PABPC3: variants seen among roughly 807,000 people sequenced by gnomAD.
The protein encoded by PABPC3 is poly(A) binding protein cytoplasmic 3.
PABPC3 carries 43 observed loss-of-function variants against 43.0 expected under a neutral mutation model. The observed-to-expected ratio is 1.00, with a 90% confidence interval of 0.78 to 1.29. The LOEUF (loss-of-function observed/expected upper bound fraction) is 1.29, where lower values mean the gene tolerates loss of function less well. Ranked by LOEUF, PABPC3 falls within the 50% of genes most tolerant of loss-of-function variation. The pLI is 0.00. For synonymous variants in PABPC3, 221 were observed against 274.6 expected (o/e 0.80, Z 1.93); for missense variants, 784 against 798.1 (o/e 0.98, Z 0.21).
Position 25,097,977 on chromosome 13 carries a change from G to A in PABPC3, c.1779G>A (p.Glu593=). 1 of 1,613,956 alleles carries A rather than the reference G, an allele frequency of 6.2e-7. No homozygotes were observed. Among genetic ancestry groups the A allele is most frequent in the South Asian group, 1.1e-5 (1 of 91,082 alleles). ...ATTCAGAACTTCTTTATATGCTCGAGTCTCCAGAGTCACTCCGTTCTAAGG... is the reference window on the plus strand; with the variant it reads ...ATTCAGAACTTCTTTATATGCTCGAATCTCCAGAGTCACTCCGTTCTAAGG... The part of the protein sequence containing the change: ...IDNSELLYML[E]SPESLRSKVD... The change falls in exon 1 of 1, where the codon GAG becomes GAA. Residue 593 remains glutamate, a synonymous_variant. Transcript: ENST00000281589.
chr13:25,096,347 G>A lies in PABPC3; in HGVS notation c.149G>A (p.Gly50Asp). 6.2e-7 allele frequency: 1 copy of A among 1,614,232 alleles called. No homozygotes were observed. Among genetic ancestry groups the A allele is most frequent in the South Asian group, 1.1e-5 (1 of 91,080 alleles). Residue 50 changes from glycine to aspartate, a missense_variant, in exon 1 of 1, where the codon GGC (glycine) becomes GAC (aspartate). Coordinates refer to ENST00000281589, the MANE Select transcript of PABPC3 (RefSeq NM_030979.3). ...ATCTGCAGGGACTTGATCACCAGCG[G>A]CTCCTCCAACTACGCGTATGTGAAC... is the stretch of plus-strand genomic sequence containing the variant. Reference protein sequence around the residue: ...IRICRDLITSGSSNYAYVNFQ... With the variant: ...IRICRDLITSDSSNYAYVNFQ...
At position 25,096,214 on chromosome 13, in the gene PABPC3, C is replaced by T; in HGVS notation, c.16C>T (p.Pro6Ser). The part of the protein sequence containing the change: MNPST[P>S]SYPTASLYVG... Reference sequence around the variant, plus strand: ...CGTGCCGAGAATGAACCCCAGCACCCCCAGCTACCCAACGGCCTCGCTCTA... The same window carrying T: ...CGTGCCGAGAATGAACCCCAGCACCTCCAGCTACCCAACGGCCTCGCTCTA... Residue 6 changes from proline (P) to serine (S), a missense_variant, in exon 1 of 1, where the codon CCC becomes TCC. Physicochemically the swap from Pro to Ser is moderately conservative, Grantham distance 74 (BLOSUM62 -1). Transcript: ENST00000281589. 3 of 1,613,204 alleles carry T rather than the reference C, an allele frequency of 1.9e-6. No individual in the cohort carries two copies. Among genetic ancestry groups the T allele is most frequent in the Non-Finnish European group, 2.5e-6 (3 of 1,179,304 alleles).
chr13:25,097,472 T>A lies in PABPC3; in HGVS notation c.1274T>A (p.Leu425Gln). ...TATCCTCCTAGCCAAATTGCTCGAC[T>A]AAGACCAAGTCCTCGCTGGACTGCT... is the stretch of plus-strand genomic sequence containing the variant. Reference protein sequence around the residue: ...AYYPPSQIARLRPSPRWTAQG... With the variant: ...AYYPPSQIARQRPSPRWTAQG... Residue 425 changes from leucine to glutamine, a missense_variant, in exon 1 of 1, where the codon CTA (leucine) becomes CAA (glutamine). Physicochemically the swap from Leu to Gln is moderately radical, Grantham distance 113 (BLOSUM62 -2). Coordinates refer to ENST00000281589, the MANE Select transcript of PABPC3 (RefSeq NM_030979.3). 6.2e-7 allele frequency: 1 copy of A among 1,614,244 alleles called. No individual in the cohort carries two copies. The highest frequency in any genetic ancestry group is 8.5e-7 in the Non-Finnish European group (1 of 1,180,050).
Position 25,097,394 on chromosome 13 carries a change from C to T in PABPC3, c.1196C>T (p.Pro399Leu), listed in dbSNP as rs1299572859. Residue 399 changes from proline to leucine, a missense_variant, in exon 1 of 1, where the codon CCT (proline) becomes CTT (leucine). Transcript: ENST00000281589. The part of the protein sequence containing the change: ...VRAVPNQRAP[P>L]SGYFMTAVPQ... ...GCTGTGCCCAACCAGCGAGCACCTC[C>T]TTCAGGTTACTTCATGACAGCTGTC... The T allele has an allele frequency of 1.9e-6, 3 of 1,614,008 alleles. No individual in the cohort carries two copies. The highest frequency in any genetic ancestry group is 1.3e-5 in the African/African-American group (1 of 74,910).
chr13:25,097,081 A>G lies in PABPC3; in HGVS notation c.883A>G (p.Asn295Asp). Residue 295 changes from asparagine (N) to aspartate (D), a missense_variant, in exon 1 of 1, where the codon AAT becomes GAT. Transcript: ENST00000281589. ...QDRITRYQVV[N>D]LYVKNLDDGI... is the part of the protein sequence containing the mutation. ...TAGGATCACCAGATACCAGGTTGTTAATCTTTATGTGAAAAATCTTGATGA... is the reference window on the plus strand; with the variant it reads ...TAGGATCACCAGATACCAGGTTGTTGATCTTTATGTGAAAAATCTTGATGA... 1 of 1,614,306 alleles carries G rather than the reference A, an allele frequency of 6.2e-7. No individual in the cohort carries two copies. The highest frequency in any genetic ancestry group is 8.5e-7 in the Non-Finnish European group (1 of 1,180,060).
At position 25,097,847 on chromosome 13, in the gene PABPC3, C is replaced by T. The variant is rs531147113; in HGVS notation, c.1649C>T (p.Pro550Leu). The change falls in exon 1 of 1, where the codon CCT becomes CTT. Residue 550 changes from proline (P) to leucine (L), a missense_variant. Coordinates refer to ENST00000281589, the MANE Select transcript of PABPC3 (RefSeq NM_030979.3). The part of the protein sequence containing the change: ...LTASRLASAP[P>L]QKQKQMLGER... ...GCCTCCAGGTTGGCATCTGCCCCTC[C>T]TCAAAAGCAAAAGCAAATGTTAGGT... 1.2e-6 allele frequency: 2 copies of T among 1,614,012 alleles called. No individual in the cohort carries two copies. The highest frequency in any genetic ancestry group is 1.7e-5 in the Admixed American group (1 of 60,016).
rs778965931 is a variant in PABPC3, at chr13:25,096,414, G to A, written c.216G>A (p.Met72Ile). 2.5e-6 allele frequency: 4 copies of A among 1,614,104 alleles called. No homozygotes were observed. Among genetic ancestry groups the A allele is most frequent in the Non-Finnish European group, 3.4e-6 (4 of 1,180,052 alleles). ...ACGCGGAGCATGCTCTGGACACCAT[G>A]AATTTTGATGTTATAAAGGGCAAGC... is the stretch of plus-strand genomic sequence containing the variant. ...TKDAEHALDT[M>I]NFDVIKGKPV... Residue 72 changes from methionine to isoleucine, a missense_variant, in exon 1 of 1, where the codon ATG (methionine) becomes ATA (isoleucine). Physicochemically the swap from Met to Ile is conservative, Grantham distance 10. Coordinates refer to ENST00000281589, the MANE Select transcript of PABPC3 (RefSeq NM_030979.3).
Position 25,096,813 on chromosome 13 carries a change from G to C in PABPC3, c.615G>C (p.Glu205Asp), listed in dbSNP as rs748734483. ...IKNFGEDMDD[E>D]RLKDLFGKFG... The stretch of plus-strand genomic sequence containing the variant: ...ATTTTGGAGAAGACATGGATGATGA[G>C]CGCCTTAAGGATCTCTTTGGCAAGT... The change falls in exon 1 of 1, where the codon GAG (glutamate) becomes GAC (aspartate). Residue 205 changes from glutamate (E) to aspartate (D), a missense_variant. Physicochemically the swap from Glu to Asp is conservative, Grantham distance 45 (BLOSUM62 2). Coordinates refer to ENST00000281589, the MANE Select transcript of PABPC3 (RefSeq NM_030979.3). 1 of 1,614,304 alleles carries C rather than the reference G, an allele frequency of 6.2e-7. No homozygotes were observed. Among genetic ancestry groups the C allele is most frequent in the Non-Finnish European group, 8.5e-7 (1 of 1,180,058 alleles).
At position 25,098,461 on chromosome 13, in the gene PABPC3, C is replaced by G. The variant is rs1467092834; in HGVS notation, c.*367C>G. ...TTTTTAATTCTTTACTGTGGAATAG[C>G]TCAAAATGTCCATTCTGTTTTAAGT... On this transcript the variant is annotated 3_prime_UTR_variant, in exon 1 of 1. Transcript: ENST00000281589. The G allele has an allele frequency of 2.0e-5, 4 of 199,518 alleles. No individual in the cohort carries two copies. Among genetic ancestry groups the G allele is most frequent in the Non-Finnish European group, 4.5e-5 (4 of 89,768 alleles). 12.4% of individuals were successfully genotyped at this position (199,518 alleles called of 1,614,324 possible).
In PABPC3 at chr13:25,098,018, C is replaced by T. The variant is rs772837681; in HGVS notation, c.1820C>T (p.Ala607Val). The change falls in exon 1 of 1, where the codon GCT becomes GTT. Residue 607 changes from alanine (A) to valine (V), a missense_variant. By Grantham distance (64) the Ala-to-Val change is moderately conservative (BLOSUM62 0). Transcript: ENST00000281589. ...SLRSKVDEAVAVLQAHQAKEA... is the reference protein window; with the variant it reads ...SLRSKVDEAVVVLQAHQAKEA... ...CGTTCTAAGGTTGATGAAGCTGTAG[C>T]TGTACTACAAGCCCACCAAGCTAAA... 1 of 1,613,968 alleles carries T rather than the reference C, an allele frequency of 6.2e-7. No individual in the cohort carries two copies. Among genetic ancestry groups the T allele is most frequent in the Non-Finnish European group, 8.5e-7 (1 of 1,179,858 alleles).
chr13:25,097,667 C>G lies in PABPC3; in HGVS notation c.1469C>G (p.Ala490Gly). The G allele has an allele frequency of 6.8e-7, 1 of 1,462,534 alleles. No individual in the cohort carries two copies. Among genetic ancestry groups the G allele is most frequent in the Non-Finnish European group, 9.1e-7 (1 of 1,094,190 alleles). 90.6% of individuals were successfully genotyped at this position (1,462,534 alleles called of 1,614,324 possible). A position where few individuals can be genotyped will look rare whatever the true frequency, so the allele number is the denominator to read the frequency against. The stretch of plus-strand genomic sequence containing the variant: ...CAGACAGTGGGTCCACGTCCTGCAG[C>G]TGCTGCTGCTGCTGCAGCTACCCCT... ...STQTVGPRPA[A>G]AAAAAATPAV... Residue 490 changes from alanine to glycine, a missense_variant, in exon 1 of 1, where the codon GCT becomes GGT. Coordinates refer to ENST00000281589, the MANE Select transcript of PABPC3 (RefSeq NM_030979.3).
At position 25,097,668 on chromosome 13, in the gene PABPC3, TGCTGCTGCTGCTGCA is replaced by T. The variant is rs537105482; in HGVS notation, c.1474_1488del (p.Ala492_Ala496del). The T allele has an allele frequency of 3.6e-5, 53 of 1,453,688 alleles. No individual in the cohort carries two copies. The East Asian group carries it at 1.4e-3, about 38-fold the overall frequency. The allele number at this position is 1,453,688 out of a possible 1,614,324, so 90.0% of individuals were successfully genotyped here. A position where few individuals can be genotyped will look rare whatever the true frequency, so the allele number is the denominator to read the frequency against. On this transcript the variant is annotated inframe_deletion, in exon 1 of 1. Transcript: ENST00000281589. ...AGACAGTGGGTCCACGTCCTGCAGCTGCTGCTGCTGCTGCAGCTACCCCTGCTGTGCGCACGGTTC... is the reference window on the plus strand; with the variant it reads ...AGACAGTGGGTCCACGTCCTGCAGCTGCTACCCCTGCTGTGCGCACGGTTC...
At position 25,097,672 on chromosome 13, in the gene PABPC3, G is replaced by GCTGCTGCTGCAGCTACCC. The variant is rs752886232; in HGVS notation, c.1481_1498dup (p.Ala494_Ala499dup). The GCTGCTGCTGCAGCTACCC allele has an allele frequency of 1.1e-4, 179 of 1,614,076 alleles. No individual in the cohort carries two copies. The highest frequency in any genetic ancestry group is 6.6e-4 in the Middle Eastern group (4 of 6,062). ...AGTGGGTCCACGTCCTGCAGCTGCT[G>GCTGCTGCTGCAGCTACCC]CTGCTGCTGCAGCTACCCCTGCTGT... On this transcript the variant is annotated inframe_insertion, in exon 1 of 1. Coordinates refer to ENST00000281589, the MANE Select transcript of PABPC3 (RefSeq NM_030979.3).
At position 25,096,421 on chromosome 13, in the gene PABPC3, G is replaced by A. The variant is rs1389696088; in HGVS notation, c.223G>A (p.Asp75Asn). The change falls in exon 1 of 1, where the codon GAT becomes AAT. Residue 75 changes from aspartate (D) to asparagine (N), a missense_variant. Transcript: ENST00000281589. ...GCATGCTCTGGACACCATGAATTTT[G>A]ATGTTATAAAGGGCAAGCCAGTACG... ...AEHALDTMNF[D>N]VIKGKPVRIM... 3 of 1,614,074 alleles carry A rather than the reference G, an allele frequency of 1.9e-6. No individual in the cohort carries two copies. In the South Asian group the frequency reaches 3.3e-5, roughly 18 times the overall value.
rs751999969 is a variant in PABPC3, at chr13:25,097,434, C to T, written c.1236C>T (p.Asn412=). ...YFMTAVPQTQ[N]HAAYYPPSQI... is the part of the protein sequence containing the mutation. ...TGACAGCTGTCCCACAGACTCAGAA[C>T]CATGCTGCATACTATCCTCCTAGCC... Residue 412 remains asparagine (N), a synonymous_variant, in exon 1 of 1, where the codon AAC becomes AAT. Transcript: ENST00000281589. 4 of 1,614,206 alleles carry T rather than the reference C, an allele frequency of 2.5e-6. No homozygotes were observed. The highest frequency in any genetic ancestry group is 2.2e-5 in the East Asian group (1 of 44,884).
At position 25,097,842 on chromosome 13, in the gene PABPC3, C is replaced by T. The variant is rs1203537960; in HGVS notation, c.1644C>T (p.Ala548=). Residue 548 remains alanine, a synonymous_variant, in exon 1 of 1, where the codon GCC becomes GCT. Coordinates refer to ENST00000281589, the MANE Select transcript of PABPC3 (RefSeq NM_030979.3). ...ETLTASRLAS[A]PPQKQKQMLG... The stretch of plus-strand genomic sequence containing the variant: ...TGACTGCCTCCAGGTTGGCATCTGC[C>T]CCTCCTCAAAAGCAAAAGCAAATGT... 2.5e-6 allele frequency: 4 copies of T among 1,613,822 alleles called. No homozygotes were observed. The highest frequency in any genetic ancestry group is 4.5e-5 in the East Asian group (2 of 44,878).
In PABPC3 at chr13:25,098,023, C is replaced by T. The variant is rs761084036; in HGVS notation, c.1825C>T (p.Leu609=). The part of the protein sequence containing the change: ...RSKVDEAVAV[L]QAHQAKEATQ... ...TAAGGTTGATGAAGCTGTAGCTGTA[C>T]TACAAGCCCACCAAGCTAAAGAGGC... is the stretch of plus-strand genomic sequence containing the variant. The change falls in exon 1 of 1, where the codon CTA becomes TTA. Residue 609 remains leucine, a synonymous_variant. Coordinates refer to ENST00000281589, the MANE Select transcript of PABPC3 (RefSeq NM_030979.3). The T allele has an allele frequency of 1.2e-5, 20 of 1,613,882 alleles. No homozygotes were observed. Among genetic ancestry groups the T allele is most frequent in the East Asian group, 4.5e-5 (2 of 44,902 alleles).
the PABPC3 span, chr13:25,097,675 GC>G: frequency 1.0e-3 from 1,650 of 1,614,072 alleles, 2 homozygotes; most frequent in Non-Finnish European, 1.3e-3. Flanking sequence ...AGCTGCTGCT[GC>G]TGCTGCAGCT....
At chr13:25,096,697 A>T in the PABPC3 span, 93 of 1,614,200 alleles carry the variant, frequency 5.8e-5, no homozygotes, top group Non-Finnish European at 7.5e-5. Flanking sequence ...AAATGGTCGC[A>T]AAGTATTTGT....
Sources: allele counts gnomAD v4.1 joint callset, GRCh38; gene constraint gnomAD v4.1.1; transcripts MANE v1.5; gene names NCBI Gene and HGNC (gene_info 2026-07-23, HGNC 2026-07-21).